The following SLC25A26 variants were observed in gnomAD, a reference collection of about 807,000 sequenced individuals.
SLC25A26 encodes the protein mitochondrial S-adenosylmethionine carrier protein.
Under a neutral mutation model 37.8 loss-of-function variants are expected in SLC25A26, and 36 were observed. The observed-to-expected ratio is 0.95, with a 90% CI of 0.73 to 1.26. The LOEUF (loss-of-function observed/expected upper bound fraction) is 1.26. Ranked by LOEUF, SLC25A26 falls within the 50% of genes most tolerant of loss-of-function variation. The pLI is 0.00. For synonymous variants in SLC25A26, 129 were observed against 122.5 expected (o/e 1.05, Z -0.35); for missense variants, 390 against 331.1 (o/e 1.18, Z -1.38).
chr3:66,163,775 A>G (rs2070390414), intron 1 of SLC25A26, among the ~76,000 whole-genome samples: 1 of 152,210 alleles, frequency 6.6e-6, no homozygotes, highest in Admixed American at 6.5e-5. Flanking sequence ...CCCAAGATGA[A>G]TCTGAAGTTT....
At chr3:66,226,997 A>G (rs1173653174) in intron 1 of SLC25A26, among the ~76,000 whole-genome samples, 1 of 152,200 alleles carries the variant, frequency 6.6e-6, no homozygotes, top group Non-Finnish European at 1.5e-5. Flanking sequence ...TAGTTTGAAC[A>G]TTTGCTTGTG....
intron 3 of SLC25A26, among the ~76,000 whole-genome samples, chr3:66,253,027 C>CA (rs2073147620): frequency 7.1e-6 from 1 of 140,186 alleles, no homozygotes; most frequent in Non-Finnish European, 1.5e-5. Context: ...AATAATGCCC[C>CA]CCCCCCCCCA....
intron 1 of SLC25A26, among the ~76,000 whole-genome samples, chr3:66,191,296 G>A (rs897247482): frequency 3.0e-4 from 46 of 152,330 alleles, no homozygotes; most frequent in African/African-American, 9.6e-4. Flanking sequence ...TCAGGAGTCT[G>A]AGGCGGGAGT....
At chr3:66,328,277 GGT>G (rs1015506756) in intron 5 of SLC25A26, among the ~76,000 whole-genome samples, 1 of 152,112 alleles carries the variant, frequency 6.6e-6, no homozygotes, top group African/African-American at 2.4e-5. Context: ...TCATACAGAA[GGT>G]GTTTCTTTAT....
At position 66,377,884 on chromosome 3, in the gene SLC25A26, C is replaced by A; in HGVS notation, c.*77C>A. 6.2e-6 allele frequency: 7 copies of A among 1,128,816 alleles called. No individual in the cohort carries two copies. The South Asian group carries it at 7.6e-5, about 12-fold the overall frequency. 69.9% of individuals were successfully genotyped at this position (1,128,816 alleles called of 1,614,324 possible). On this transcript the variant is annotated 3_prime_UTR_variant, in exon 10 of 10. Transcript: ENST00000354883. The stretch of plus-strand genomic sequence containing the variant: ...AAACCCTCTTCCGCTGAGCAGCTGT[C>A]TGAACTATAGGCCCCAGTGCTGAAG...
chr3:66,179,038 T>C (rs1188072286), intron 1 of SLC25A26, among the ~76,000 whole-genome samples: 2 of 152,214 alleles, frequency 1.3e-5, no homozygotes, highest in Admixed American at 1.3e-4. Context: ...CGTTTTGTCA[T>C]ATATTTGAAA....
At chr3:66,170,732 C>G (rs1018794685) in intron 1 of SLC25A26, among the ~76,000 whole-genome samples, 2 of 150,380 alleles carry the variant, frequency 1.3e-5, no homozygotes, top group Non-Finnish European at 3.0e-5. Context: ...CACATAGTGC[C>G]GGACACATGT....
At chr3:66,246,602 G>A (rs1405384091) in intron 3 of SLC25A26, among the ~76,000 whole-genome samples, 1 of 152,132 alleles carries the variant, frequency 6.6e-6, no homozygotes, top group African/African-American at 2.4e-5. Flanking sequence ...GGTGGGGTAG[G>A]TAGATTTTAG....
chr3:66,305,534 G>C (rs782745), intron 5 of SLC25A26, among the ~76,000 whole-genome samples: 57,504 of 151,928 alleles, frequency 0.38, 11,586 homozygotes, highest in East Asian at 0.64. Context: ...TGCTATGGTG[G>C]TTTGCTGCAC....
In SLC25A26 at chr3:66,274,425, C is replaced by A. The variant is rs1294933033; in HGVS notation, c.453+11046C>A. 3.3e-5 allele frequency among the ~76,000 whole-genome samples: 5 copies of A among 152,102 alleles called. No homozygotes were observed. The South Asian group carries it at 1.0e-3, about 32-fold the overall frequency. ...GGGATCTAATTAAACTAAAGAGCTTCTGCACAGCAAAAGAAACTACCATCA... is the reference window on the plus strand; with the variant it reads ...GGGATCTAATTAAACTAAAGAGCTTATGCACAGCAAAAGAAACTACCATCA... On this transcript the variant is annotated intron_variant, in intron 5 of 9. Transcript: ENST00000354883.
chr3:66,286,419 CT>C (rs2107480479), intron 5 of SLC25A26, among the ~76,000 whole-genome samples: 1 of 152,014 alleles, frequency 6.6e-6, no homozygotes, highest in African/African-American at 2.4e-5. Flanking sequence ...ATATAGATGT[CT>C]AGTTATTCTA....
intron 1 of SLC25A26, among the ~76,000 whole-genome samples, chr3:66,206,039 A>T (rs1408360966): frequency 1.3e-5 from 2 of 152,216 alleles, no homozygotes; most frequent in Non-Finnish European, 2.9e-5. Flanking sequence ...ACTACTGGAA[A>T]CATATACAAA....
intron 7 of SLC25A26, among the ~76,000 whole-genome samples, chr3:66,367,810 T>G (rs561286091): frequency 6.6e-6 from 1 of 151,178 alleles, no homozygotes; most frequent in Non-Finnish European, 1.5e-5. Flanking sequence ...GTTAAAAGAG[T>G]AGGATTTCAA....
intron 5 of SLC25A26, among the ~76,000 whole-genome samples, chr3:66,283,647 T>A (rs929969704): frequency 2.0e-5 from 3 of 152,222 alleles, no homozygotes; most frequent in Non-Finnish European, 4.4e-5. Context: ...ACTTGATTAC[T>A]GTCAGGATTT....
chr3:66,303,622 T>C (rs1205213290), intron 5 of SLC25A26, among the ~76,000 whole-genome samples: 1 of 152,238 alleles, frequency 6.6e-6, no homozygotes, highest in East Asian at 1.9e-4. Context: ...AACATCAGGA[T>C]CACTTAGGGG....
intron 1 of SLC25A26, among the ~76,000 whole-genome samples, chr3:66,213,139 C>G (rs2071308423): frequency 2.0e-5 from 3 of 152,224 alleles, no homozygotes; most frequent in African/African-American, 4.8e-5. Flanking sequence ...GTGGCTCACG[C>G]CTGTAATCCC....
chr3:66,237,064 T>A (rs559901567), intron 2 of SLC25A26, among the ~76,000 whole-genome samples: 1 of 152,306 alleles, frequency 6.6e-6, no homozygotes, highest in East Asian at 1.9e-4. Context: ...CTTGAACTCC[T>A]AGGCTCAAGC....
At chr3:66,287,042 A>G (rs1369789920) in intron 5 of SLC25A26, among the ~76,000 whole-genome samples, 4 of 152,100 alleles carry the variant, frequency 2.6e-5, no homozygotes, top group African/African-American at 9.7e-5. Flanking sequence ...CACGCCTGCA[A>G]TCCCAGTGCT....
At chr3:66,328,323 A>T (rs1251642139) in intron 5 of SLC25A26, among the ~76,000 whole-genome samples, 2 of 152,206 alleles carry the variant, frequency 1.3e-5, no homozygotes, top group Non-Finnish European at 2.9e-5. Flanking sequence ...CGATAACTTG[A>T]TTTAATATGA....
Sources: allele counts gnomAD v4.1 joint callset (sites outside exome capture counted in the v4.1 genomes callset), GRCh38; gene constraint gnomAD v4.1.1; transcripts MANE v1.5; gene names NCBI Gene and HGNC (gene_info 2026-07-23, HGNC 2026-07-21).